BCL6B: variants seen among roughly 807,000 people sequenced by gnomAD.
BCL6B encodes the protein BCL6B transcription repressor.
In BCL6B, 28 loss-of-function variants were observed where a neutral mutation model predicts 44.6. The observed-to-expected ratio is 0.63, with a 90% CI of 0.47 to 0.86. The LOEUF (loss-of-function observed/expected upper bound fraction) is 0.86. Ranked by LOEUF, BCL6B falls within the 40% of genes least tolerant of loss-of-function variation. BCL6B has a pLI of 0.00. For missense variants in BCL6B, 626 were observed against 652.3 expected, an observed-to-expected ratio of 0.96 and a Z score of 0.44; for synonymous variants, 268 against 263.6, an observed-to-expected ratio of 1.02 and a Z score of -0.16.
Position 7,024,155 on chromosome 17 carries a change from C to T in BCL6B, c.252C>T (p.Pro84=), listed in dbSNP as rs1346108273. 9.3e-6 allele frequency: 15 copies of T among 1,613,942 alleles called. No individual in the cohort carries two copies. Among genetic ancestry groups the T allele is most frequent in the Non-Finnish European group, 1.1e-5 (13 of 1,180,010 alleles). Residue 84 remains proline (P), a synonymous_variant, in exon 3 of 9, where the codon CCC becomes CCT. Transcript: ENST00000293805. The surrounding 1 kb of genome is among the most constrained non-coding windows in gnomAD (Gnocchi z 6.6). The stretch of plus-strand genomic sequence containing the variant: ...ACGTGCTCTCTCTGCCCGGGGGTCC[C>T]GAAGCGAGAGGCTTCGCCCCTCTAT... ...GVDVLSLPGG[P]EARGFAPLLD... is the part of the protein sequence containing the mutation.
chr17:7,028,999 C>T lies in BCL6B; in HGVS notation c.*1380C>T, dbSNP rs1196738941. On this transcript the variant is annotated 3_prime_UTR_variant, in exon 9 of 9. Coordinates refer to ENST00000293805, the MANE Select transcript of BCL6B (RefSeq NM_181844.4). ...GGTCTGTGACCTGGTCTTCCCATCC[C>T]TGCATTCCTGTCTGGAACCAGTGAA... The T allele has an allele frequency of 6.1e-6, 6 of 985,330 alleles. No individual in the cohort carries two copies. The African/African-American group carries it at 1.0e-4, about 17-fold the overall frequency. The allele number at this position is 985,330 out of a possible 1,614,324, so 61.0% of individuals were successfully genotyped here. A position where few individuals can be genotyped will look rare whatever the true frequency, so the allele number is the denominator to read the frequency against.
chr17:7,024,284 C>T lies in BCL6B; in HGVS notation c.381C>T (p.Cys127=). 1.2e-6 allele frequency: 2 copies of T among 1,613,698 alleles called. No individual in the cohort carries two copies. The highest frequency in any genetic ancestry group is 1.7e-6 in the Non-Finnish European group (2 of 1,180,010). The change falls in exon 3 of 9, where the codon TGC becomes TGT. Residue 127 remains cysteine (C), a synonymous_variant. Coordinates refer to ENST00000293805, the MANE Select transcript of BCL6B (RefSeq NM_181844.4). This position sits in a 1 kb window ranked among gnomAD's most constrained non-coding sequence, Gnocchi z 6.6. ...AGATGGAGCACGTGGTCCAGGCATGCCACCGCTTCATCCAGGCCAGGTGAG... is the reference window on the plus strand; with the variant it reads ...AGATGGAGCACGTGGTCCAGGCATGTCACCGCTTCATCCAGGCCAGGTGAG... ...YLQMEHVVQA[C]HRFIQASYEP... is the part of the protein sequence containing the mutation.
At chr17:7,027,471 G>A (rs9905092) in intron 8 of BCL6B, 32 bp from the exon 9 acceptor site, 1 of 1,611,788 alleles carries the variant, frequency 6.2e-7, no homozygotes, top group African/African-American at 1.3e-5. Flanking sequence ...ATTGTGGATG[G>A]GGCAGGGCCT....
Position 7,027,856 on chromosome 17 carries a change from C to T in BCL6B, c.*237C>T, listed in dbSNP as rs372887057. 5.5e-5 allele frequency: 64 copies of T among 1,160,694 alleles called. No individual in the cohort carries two copies. The African/African-American group carries it at 8.7e-4, about 16-fold the overall frequency. 71.9% of individuals were successfully genotyped at this position (1,160,694 alleles called of 1,614,324 possible). A position where few individuals can be genotyped will look rare whatever the true frequency, so the allele number is the denominator to read the frequency against. On this transcript the variant is annotated 3_prime_UTR_variant, in exon 9 of 9. Coordinates refer to ENST00000293805, the MANE Select transcript of BCL6B (RefSeq NM_181844.4). Reference sequence around the variant, plus strand: ...AGCCAGATTGTTTCTGAGGAGAGAGCTAGCTAGGGGCTGGGAAAGGGGAGA... The same window carrying T: ...AGCCAGATTGTTTCTGAGGAGAGAGTTAGCTAGGGGCTGGGAAAGGGGAGA...
chr17:7,024,373 G>A lies in BCL6B; in HGVS notation c.402-28G>A. ...GGGCAAAGGCAGAGTTTAGGAAATG[G>A]CACTAACGTTCATCACACTTTCCCC... is the stretch of plus-strand genomic sequence containing the variant. On this transcript the variant is annotated intron_variant, in intron 3 of 8. Transcript: ENST00000293805. This position sits in a 1 kb window ranked among gnomAD's most constrained non-coding sequence, Gnocchi z 6.6. 6.2e-7 allele frequency: 1 copy of A among 1,612,318 alleles called. No homozygotes were observed. The highest frequency in any genetic ancestry group is 8.5e-7 in the Non-Finnish European group (1 of 1,178,990).
At position 7,026,836 on chromosome 17, in the gene BCL6B, G is replaced by A; in HGVS notation, c.1185+1G>A. The A allele has an allele frequency of 6.2e-7, 1 of 1,613,676 alleles. No homozygotes were observed. The highest frequency in any genetic ancestry group is 1.7e-5 in the Admixed American group (1 of 60,028). On this transcript the variant is annotated splice_donor_variant, in intron 7 of 8. Transcript: ENST00000293805. LOFTEE classifies it high-confidence loss of function. ...GACGTGCGGCTCGCGCTTTGTACAG[G>A]TACGGAGCCAGCCTCCAAGTGGCTT...
Position 7,028,602 on chromosome 17 carries a change from G to A in BCL6B, c.*983G>A, listed in dbSNP as rs1204787314. 4 of 934,146 alleles carry A rather than the reference G, an allele frequency of 4.3e-6. No homozygotes were observed. The highest frequency in any genetic ancestry group is 2.3e-5 in the African/African-American group (1 of 44,324). The allele number at this position is 934,146 out of a possible 1,614,324, so 57.9% of individuals were successfully genotyped here. A position where few individuals can be genotyped will look rare whatever the true frequency, so the allele number is the denominator to read the frequency against. ...ATCTATAGTGGTAGAGACCCACCAGGGCTCAAGTGGAGTCCATCATCCTCC... is the reference window on the plus strand; with the variant it reads ...ATCTATAGTGGTAGAGACCCACCAGAGCTCAAGTGGAGTCCATCATCCTCC... On this transcript the variant is annotated 3_prime_UTR_variant, in exon 9 of 9. Coordinates refer to ENST00000293805, the MANE Select transcript of BCL6B (RefSeq NM_181844.4).
chr17:7,025,543 G>T (rs910626040), intron 5 of BCL6B, among the ~76,000 whole-genome samples: 1 of 152,174 alleles, frequency 6.6e-6, no homozygotes, highest in African/African-American at 2.4e-5. Flanking sequence ...AAGTGAGGAG[G>T]AGATTTTAGC....
chr17:7,027,166 C>T, intron 8 of BCL6B, 79 bp downstream of exon 8: 1 of 1,549,034 alleles, frequency 6.5e-7, no homozygotes, highest in Non-Finnish European at 8.8e-7. Context: ...GAGGTGCGGG[C>T]CTGGCTGTCC....
intron 1 of BCL6B, chr17:7,023,336 G>A (rs1361107035): frequency 3.0e-6 from 1 of 337,500 alleles, no homozygotes; most frequent in Non-Finnish European, 5.5e-6. Context: ...TGAGACACAG[G>A]CGCGCAGAGG....
intron 5 of BCL6B, 147 bp downstream of exon 5, chr17:7,025,347 C>T: frequency 8.7e-7 from 1 of 1,145,182 alleles, no homozygotes; most frequent in East Asian, 2.4e-5. Context: ...TCCCACTGCC[C>T]AGGTCACACT....
intron 5 of BCL6B, 120 bp from the exon 6 acceptor site, chr17:7,026,337 A>G: frequency 7.5e-7 from 1 of 1,338,262 alleles, no homozygotes; most frequent in Non-Finnish European, 1.0e-6. Flanking sequence ...AACCAGCCCC[A>G]GAAGTCTTAA....
intron 1 of BCL6B, chr17:7,023,393 G>A (rs1197492662): frequency 2.2e-6 from 1 of 460,250 alleles, no homozygotes; most frequent in Non-Finnish European, 3.9e-6. Flanking sequence ...CCAGGGCGAT[G>A]GGCGCGGGAT....
In BCL6B at chr17:7,024,943, T is replaced by C; in HGVS notation, c.765-133T>C. 6.7e-7 allele frequency: 1 copy of C among 1,490,824 alleles called. No homozygotes were observed. Among genetic ancestry groups the C allele is most frequent in the South Asian group, 1.3e-5 (1 of 75,928 alleles). 92.3% of individuals were successfully genotyped at this position (1,490,824 alleles called of 1,614,324 possible). On this transcript the variant is annotated intron_variant, in intron 4 of 8. Transcript: ENST00000293805. This position sits in a 1 kb window ranked among gnomAD's most constrained non-coding sequence, Gnocchi z 6.6. ...GCAGGGTGGCACTTGGGCAGTACAA[T>C]GGATGTGGCTCATTGGTCAACAATA...
chr17:7,023,820 G>A lies in BCL6B; in HGVS notation c.149G>A (p.Arg50Lys), dbSNP rs779684875. 1.9e-6 allele frequency: 3 copies of A among 1,600,470 alleles called. No individual in the cohort carries two copies. In the South Asian group the frequency reaches 3.3e-5, roughly 18 times the overall value. Residue 50 changes from arginine (R) to lysine (K), a missense_variant, in exon 2 of 9, where the codon AGA becomes AAA. Arg to Lys is a conservative substitution (Grantham distance 26, BLOSUM62 2). Transcript: ENST00000293805. The part of the protein sequence containing the change: ...VTLLVGGQPL[R>K]AHKAVLIACS... ...CTGCTGGTTGGCGGGCAACCCCTCA[G>A]AGCACACAAGGCAGTTCTCATCGCC...
In BCL6B at chr17:7,028,131, T is replaced by C. The variant is rs1597341938; in HGVS notation, c.*512T>C. ...CGTTTGGCTTGGGTATTTTATATTA[T>C]TTCTGTCATAACTTTTATCTTTAGA... On this transcript the variant is annotated 3_prime_UTR_variant, in exon 9 of 9. Coordinates refer to ENST00000293805, the MANE Select transcript of BCL6B (RefSeq NM_181844.4). 6 of 986,588 alleles carry C rather than the reference T, an allele frequency of 6.1e-6. No homozygotes were observed. Among genetic ancestry groups the C allele is most frequent in the Non-Finnish European group, 7.2e-6 (6 of 830,744 alleles). The allele number at this position is 986,588 out of a possible 1,614,324, so 61.1% of individuals were successfully genotyped here. A position where few individuals can be genotyped will look rare whatever the true frequency, so the allele number is the denominator to read the frequency against.
At position 7,026,594 on chromosome 17, in the gene BCL6B, C is replaced by G; in HGVS notation, c.1027C>G (p.Leu343Val). ...CRSSFRYKGN[L>V]ASHRTVHTGE... Reference sequence around the variant, plus strand: ...GTCTTCGTTCCGCTACAAGGGCAACCTTGCCAGTCATCGTACAGTGCACAC... The same window carrying G: ...GTCTTCGTTCCGCTACAAGGGCAACGTTGCCAGTCATCGTACAGTGCACAC... Residue 343 changes from leucine (L) to valine (V), a missense_variant, in exon 6 of 9, where the codon CTT (leucine) becomes GTT (valine). Transcript: ENST00000293805. The G allele has an allele frequency of 6.2e-7, 1 of 1,614,174 alleles. No homozygotes were observed. Among genetic ancestry groups the G allele is most frequent in the South Asian group, 1.1e-5 (1 of 91,082 alleles).
At chr17:7,023,914 G>A (rs1910200065) in intron 2 of BCL6B, 64 bp downstream of exon 2, 3 of 1,573,370 alleles carry the variant, frequency 1.9e-6, no homozygotes, top group Admixed American at 3.5e-5. Flanking sequence ...GGGCCGTTGA[G>A]AGGGAATCCG....
At position 7,023,942 on chromosome 17, in the gene BCL6B, A is replaced by G. The variant is rs1910200936; in HGVS notation, c.179+92A>G. 3.9e-6 allele frequency: 6 copies of G among 1,548,144 alleles called. No individual in the cohort carries two copies. In the Admixed American group the frequency reaches 7.2e-5, roughly 19 times the overall value. ...GGAATCCGAAGCCAAGTCTTTCAGA[A>G]GCAGGAGGCGGAGCGTCCCAGAATT... On this transcript the variant is annotated intron_variant, in intron 2 of 8. Coordinates refer to ENST00000293805, the MANE Select transcript of BCL6B (RefSeq NM_181844.4).
Sources: gnomAD v4.1 joint callset for allele counts (sites outside exome capture counted in the v4.1 genomes callset) on GRCh38, gnomAD v4.1.1 for gene constraint, Gnocchi (gnomAD v3.1) non-coding constraint, MANE v1.5 for transcripts, NCBI Gene and HGNC (gene_info 2026-07-23, HGNC 2026-07-21) for gene names.